Variants in PPP4R4 observed in about 807,000 individuals in gnomAD.
PPP4R4 encodes the protein serine/threonine-protein phosphatase 4 regulatory subunit 4.
PPP4R4 carries 70 observed loss-of-function variants against 121.8 expected under a neutral mutation model. The observed-to-expected ratio is 0.57, with a 90% CI of 0.47 to 0.70. PPP4R4 has a LOEUF of 0.70. Among genes scored for constraint, PPP4R4 ranks in the 30% least tolerant of loss-of-function variants. PPP4R4 has a pLI of 0.00. For synonymous variants in PPP4R4, 348 were observed against 355.7 expected (o/e 0.98, Z 0.24); for missense variants, 875 against 1,033.6 (o/e 0.85, Z 2.10).
At chr14:94,207,028 T>C (rs1890494709) in intron 2 of PPP4R4, among the ~76,000 whole-genome samples, 1 of 152,004 alleles carries the variant, frequency 6.6e-6, no homozygotes, top group African/African-American at 2.4e-5. Context: ...CCATCTATTG[T>C]GTTTTATTCT....
chr14:94,236,852 G>A (rs1892375110), intron 7 of PPP4R4, among the ~76,000 whole-genome samples: 1 of 152,032 alleles, frequency 6.6e-6, no homozygotes, highest in Non-Finnish European at 1.5e-5. Context: ...AACTTTCTTG[G>A]ACTCTATCAA....
chr14:94,215,644 A>C (rs1566662631), intron 3 of PPP4R4, among the ~76,000 whole-genome samples: 2 of 152,214 alleles, frequency 1.3e-5, no homozygotes, highest in African/African-American at 2.4e-5. Flanking sequence ...CTTGTGGTTT[A>C]GGAAGCATAA....
intron 2 of PPP4R4, among the ~76,000 whole-genome samples, chr14:94,201,046 G>T (rs1890152753): frequency 6.6e-6 from 1 of 152,072 alleles, no homozygotes. Flanking sequence ...TCAGTTGAAA[G>T]AATTTTTTAA....
chr14:94,257,296 C>A (rs2139617756), intron 17 of PPP4R4, among the ~76,000 whole-genome samples: 1 of 152,038 alleles, frequency 6.6e-6, no homozygotes, highest in East Asian at 1.9e-4. Context: ...ATTGTTTATG[C>A]TGAATATATA....
chr14:94,239,459 T>C (rs1892517373), intron 8 of PPP4R4, among the ~76,000 whole-genome samples: 1 of 151,276 alleles, frequency 6.6e-6, no homozygotes, highest in Non-Finnish European at 1.5e-5. Flanking sequence ...TTTGGTTTTT[T>C]TGTCCTTGCA....
At chr14:94,261,748 A>G (rs1268928889) in intron 19 of PPP4R4, among the ~76,000 whole-genome samples, 4 of 151,978 alleles carry the variant, frequency 2.6e-5, no homozygotes, top group Non-Finnish European at 5.9e-5. Flanking sequence ...TCTTACTCCT[A>G]GTTTGCTAGG....
Position 94,249,481 on chromosome 14 carries a change from T to A in PPP4R4, c.1612-691T>A, listed in dbSNP as rs547686419. Among the ~76,000 whole-genome samples the A allele has an allele frequency of 8.5e-5, 13 of 152,150 alleles. No homozygotes were observed. The South Asian group carries it at 2.7e-3, about 32-fold the overall frequency. Reference sequence around the variant, plus strand: ...ATTCAACATTATATTTGTATGTAAATCAAGATAATGAACATGAATTTATAC... The same window carrying A: ...ATTCAACATTATATTTGTATGTAAAACAAGATAATGAACATGAATTTATAC... On this transcript the variant is annotated intron_variant, in intron 14 of 24. Transcript: ENST00000304338.
At chr14:94,254,460 G>A (rs1893358209) in intron 16 of PPP4R4, among the ~76,000 whole-genome samples, 1 of 152,162 alleles carries the variant, frequency 6.6e-6, no homozygotes, top group South Asian at 2.1e-4. Flanking sequence ...AGCTGTATCC[G>A]TGGTGAGCTG....
chr14:94,258,389 G>T (rs1332863089), intron 17 of PPP4R4, among the ~76,000 whole-genome samples: 1 of 152,172 alleles, frequency 6.6e-6, no homozygotes, highest in African/African-American at 2.4e-5. Context: ...AGGATTATTA[G>T]GCCCCATGAT....
In PPP4R4 at chr14:94,225,607, G is replaced by C. The variant is rs190279637; in HGVS notation, c.295-4980G>C. On this transcript the variant is annotated intron_variant, in intron 3 of 24. Coordinates refer to ENST00000304338, the MANE Select transcript of PPP4R4 (RefSeq NM_058237.2). ...AGTCCTGCTCATTGCTGGGTCTCTAGGTCTCTAGCACCTAGCAGCACAGTG... is the reference window on the plus strand; with the variant it reads ...AGTCCTGCTCATTGCTGGGTCTCTACGTCTCTAGCACCTAGCAGCACAGTG... Among the ~76,000 whole-genome samples the C allele has an allele frequency of 5.6e-3, 852 of 152,272 alleles. 2 individuals carry two copies. The highest frequency in any genetic ancestry group is 9.1e-3 in the Non-Finnish European group (620 of 68,016).
intron 3 of PPP4R4, among the ~76,000 whole-genome samples, chr14:94,211,812 A>G (rs911181586): frequency 6.6e-6 from 1 of 152,158 alleles, no homozygotes. Flanking sequence ...ACATGGGTTA[A>G]GGTAGAATGA....
chr14:94,265,153 C>T (rs17129529), intron 20 of PPP4R4, among the ~76,000 whole-genome samples: 14,263 of 152,112 alleles, frequency 0.094, 1,439 homozygotes, highest in East Asian at 0.57. Context: ...CCAGGGTGGA[C>T]GTTCAGATGC....
intron 19 of PPP4R4, among the ~76,000 whole-genome samples, chr14:94,264,163 A>AT (rs1893919659): frequency 6.6e-6 from 1 of 152,060 alleles, no homozygotes; most frequent in East Asian, 1.9e-4. Context: ...ATGTATGTAT[A>AT]TTTGAGATGG....
intron 5 of PPP4R4, among the ~76,000 whole-genome samples, chr14:94,233,311 A>C (rs1304129649): frequency 6.6e-6 from 1 of 152,238 alleles, no homozygotes; most frequent in Non-Finnish European, 1.5e-5. Flanking sequence ...ATATGGAATA[A>C]AAATACATTT....
intron 8 of PPP4R4, among the ~76,000 whole-genome samples, chr14:94,239,414 G>A (rs1381033547): frequency 7.5e-6 from 1 of 133,536 alleles, no homozygotes; most frequent in African/African-American, 2.9e-5. Context: ...TGTTCTCATT[G>A]TTCAATTCCC....
intron 11 of PPP4R4, among the ~76,000 whole-genome samples, chr14:94,243,015 A>G (rs903971781): frequency 6.6e-5 from 10 of 152,164 alleles, no homozygotes; most frequent in Non-Finnish European, 1.3e-4. Context: ...TTCAACTTCA[A>G]AACTGACACA....
chr14:94,258,848 T>C (rs1893617835), intron 18 of PPP4R4, 24 bp downstream of exon 18: 11 of 1,567,238 alleles, frequency 7.0e-6, no homozygotes, highest in African/African-American at 1.4e-5. Context: ...CTTTACCTTA[T>C]TGTGTTGGTC....
chr14:94,229,845 TTCTCTCTC>T (rs558092469), intron 3 of PPP4R4, among the ~76,000 whole-genome samples: 1 of 152,130 alleles, frequency 6.6e-6, no homozygotes, highest in Non-Finnish European at 1.5e-5. Flanking sequence ...CACACACACT[TTCTCTCTC>T]TATCTCTCTC....
intron 2 of PPP4R4, 93 bp downstream of exon 2, chr14:94,176,220 G>A: frequency 9.4e-7 from 1 of 1,067,984 alleles, no homozygotes; most frequent in Non-Finnish European, 1.5e-6. Flanking sequence ...GTTATGTTCA[G>A]ATTTACTTAG....
Sources: allele counts gnomAD v4.1 joint callset (sites outside exome capture counted in the v4.1 genomes callset), GRCh38; gene constraint gnomAD v4.1.1; transcripts MANE v1.5; gene names NCBI Gene and HGNC (gene_info 2026-07-23, HGNC 2026-07-21).